The following ZSWIM6 variants were observed in gnomAD, a reference collection of about 807,000 sequenced individuals.
The protein encoded by ZSWIM6 is zinc finger SWIM-type containing 6.
Under a neutral mutation model 113.2 loss-of-function variants are expected in ZSWIM6, and 9 were observed. The ratio of observed to expected loss-of-function variants is 0.08; its 90% CI spans 0.05 to 0.14. ZSWIM6 has a LOEUF of 0.14. Ranked by LOEUF, ZSWIM6 falls within the 10% of genes least tolerant of loss-of-function variation. The pLI, the probability that ZSWIM6 is intolerant of heterozygous loss-of-function variation, is 1.00. For missense variants in ZSWIM6, 1,162 were observed against 1,552.2 expected (o/e 0.75, Z 4.22); for synonymous variants, 611 against 606.5 (o/e 1.01, Z -0.11).
intron 1 of ZSWIM6, among the ~76,000 whole-genome samples, chr5:61,463,441 A>C (rs772882604): frequency 3.4e-4 from 52 of 152,328 alleles, no homozygotes; most frequent in Non-Finnish European, 7.2e-4. Flanking sequence ...AGTGGTTCTC[A>C]AACTTTGGTC....
intron 4 of ZSWIM6, among the ~76,000 whole-genome samples, chr5:61,497,626 T>TTA (rs1174142571): frequency 3.9e-5 from 6 of 152,332 alleles, no homozygotes; most frequent in African/African-American, 1.4e-4. Flanking sequence ...TACATTTATC[T>TTA]TATACATGAG....
Position 61,521,321 on chromosome 5 carries a change from T to C in ZSWIM6, c.1392T>C (p.Ser464=). 1 of 1,520,942 alleles carries C rather than the reference T, an allele frequency of 6.6e-7. No homozygotes were observed. The highest frequency in any genetic ancestry group is 8.8e-7 in the Non-Finnish European group (1 of 1,132,728). 94.2% of individuals were successfully genotyped at this position (1,520,942 alleles called of 1,614,324 possible). ...NPHCKLEQKA[S]WLKQLKKWNS... is the part of the protein sequence containing the mutation. ...ACTGCAAGTTGGAGCAAAAGGCCAG[T>C]TGGCTAAAACAGCTGAAGAAATGGA... is the stretch of plus-strand genomic sequence containing the variant. Residue 464 remains serine (S), a synonymous_variant, in exon 5 of 14, where the codon AGT becomes AGC. Transcript: ENST00000252744.
At chr5:61,491,754 GATAGCT>G (rs1176600739) in intron 3 of ZSWIM6, among the ~76,000 whole-genome samples, 2 of 152,020 alleles carry the variant, frequency 1.3e-5, no homozygotes, top group East Asian at 3.8e-4. Flanking sequence ...TAAAGGAACA[GATAGCT>G]GTTCATTGAT....
At chr5:61,350,529 A>G (rs1744760672) in intron 1 of ZSWIM6, among the ~76,000 whole-genome samples, 1 of 152,174 alleles carries the variant, frequency 6.6e-6, no homozygotes, top group South Asian at 2.1e-4. Context: ...CTCAGTCTCC[A>G]TGGGTTTGAT....
chr5:61,337,285 C>G (rs1011286431), intron 1 of ZSWIM6, among the ~76,000 whole-genome samples: 7 of 150,268 alleles, frequency 4.7e-5, no homozygotes, highest in Admixed American at 6.6e-5. Context: ...TCTCCCCCCC[C>G]AAAAAAAACA....
At chr5:61,410,905 A>G (rs1276457821) in intron 1 of ZSWIM6, among the ~76,000 whole-genome samples, 2 of 152,204 alleles carry the variant, frequency 1.3e-5, no homozygotes. Flanking sequence ...TAGTTTCTCC[A>G]GGGGAAAATG....
In ZSWIM6 at chr5:61,543,357, T is replaced by C. The variant is rs1449476455; in HGVS notation, c.2786-98T>C. On this transcript the variant is annotated intron_variant, in intron 13 of 13. Transcript: ENST00000252744. This position sits in a 1 kb window ranked among gnomAD's most constrained non-coding sequence, Gnocchi z 4.3. ...TTCTAGCCTAGCTCATGTCCTATGA[T>C]GGTTAACAATGTAAACACTGGTTGT... The C allele has an allele frequency of 7.2e-7, 1 of 1,382,534 alleles. No individual in the cohort carries two copies. The highest frequency in any genetic ancestry group is 9.6e-7 in the Non-Finnish European group (1 of 1,041,756). The allele number at this position is 1,382,534 out of a possible 1,614,324, so 85.6% of individuals were successfully genotyped here.
Position 61,524,907 on chromosome 5 carries a change from G to C in ZSWIM6, c.1514-893G>C, listed in dbSNP as rs577988456. ...GTAAGTTTAGAGTGGGAACCCAAGG[G>C]GTGGGTGTGCAGGTAGAATTTGAAC... On this transcript the variant is annotated intron_variant, in intron 5 of 13. Transcript: ENST00000252744. Among the ~76,000 whole-genome samples, 7 of 152,294 alleles carry C rather than the reference G, an allele frequency of 4.6e-5. No homozygotes were observed. The South Asian group carries it at 1.5e-3, about 32-fold the overall frequency.
chr5:61,523,696 C>T (rs991346105), intron 5 of ZSWIM6, among the ~76,000 whole-genome samples: 1 of 152,118 alleles, frequency 6.6e-6, no homozygotes, highest in Non-Finnish European at 1.5e-5. Flanking sequence ...CCTAGTCAAA[C>T]CAAATTTTTA....
chr5:61,335,145 T>C (rs1193554274), intron 1 of ZSWIM6, among the ~76,000 whole-genome samples: 1 of 152,362 alleles, frequency 6.6e-6, no homozygotes, highest in East Asian at 1.9e-4. Context: ...AAATAGTAAC[T>C]TTTTGAATAG....
At chr5:61,336,618 C>T (rs952019011) in intron 1 of ZSWIM6, among the ~76,000 whole-genome samples, 1 of 151,882 alleles carries the variant, frequency 6.6e-6, no homozygotes, top group African/African-American at 2.4e-5. Flanking sequence ...AATTAGGCAT[C>T]GTGGCACATG....
At chr5:61,376,466 T>G (rs1745375669) in intron 1 of ZSWIM6, among the ~76,000 whole-genome samples, 1 of 149,162 alleles carries the variant, frequency 6.7e-6, no homozygotes, top group South Asian at 2.2e-4. Context: ...ACCAGCAGTC[T>G]TGCCCTTTAC....
At chr5:61,385,653 A>AT (rs1409648876) in intron 1 of ZSWIM6, among the ~76,000 whole-genome samples, 1 of 152,222 alleles carries the variant, frequency 6.6e-6, no homozygotes, top group African/African-American at 2.4e-5. Context: ...TCATACTAGA[A>AT]TGCACATCCT....
chr5:61,423,440 C>T (rs1746396668), intron 1 of ZSWIM6, among the ~76,000 whole-genome samples: 1 of 150,566 alleles, frequency 6.6e-6, no homozygotes, highest in African/African-American at 2.4e-5. Context: ...AACAAAACGG[C>T]AACAACAAAA....
At chr5:61,348,476 A>G (rs946054780) in intron 1 of ZSWIM6, among the ~76,000 whole-genome samples, 1 of 152,094 alleles carries the variant, frequency 6.6e-6, no homozygotes, top group African/African-American at 2.4e-5. Flanking sequence ...CCCCCTTCAT[A>G]CTTCCTGTTA....
intron 4 of ZSWIM6, among the ~76,000 whole-genome samples, chr5:61,503,742 TC>T (rs1386878856): frequency 1.3e-5 from 2 of 152,202 alleles, no homozygotes; most frequent in Non-Finnish European, 2.9e-5. Context: ...TAGAAGATAT[TC>T]TTTGCTAAGC....
intron 4 of ZSWIM6, among the ~76,000 whole-genome samples, chr5:61,518,847 A>T (rs1749035142): frequency 6.6e-6 from 1 of 151,990 alleles, no homozygotes; most frequent in Admixed American, 6.6e-5. Flanking sequence ...GGTGTTTTAG[A>T]CATGAAGTCC....
chr5:61,363,473 T>G (rs1745075459), intron 1 of ZSWIM6, among the ~76,000 whole-genome samples: 1 of 152,214 alleles, frequency 6.6e-6, no homozygotes, highest in Non-Finnish European at 1.5e-5. Context: ...GACTAAACCC[T>G]TGTTCTCGGC....
intron 1 of ZSWIM6, among the ~76,000 whole-genome samples, chr5:61,401,974 T>G (rs1366005174): frequency 6.6e-6 from 1 of 151,956 alleles, no homozygotes; most frequent in Non-Finnish European, 1.5e-5. Flanking sequence ...GTGCTTATGT[T>G]AGCAGCATCC....
Sources: allele counts gnomAD v4.1 joint callset (sites outside exome capture counted in the v4.1 genomes callset), GRCh38; gene constraint gnomAD v4.1.1; non-coding constraint Gnocchi (gnomAD v3.1); transcripts MANE v1.5; gene names NCBI Gene and HGNC (gene_info 2026-07-23, HGNC 2026-07-21).